The following ZNF429 variants were observed in gnomAD, a reference collection of about 807,000 sequenced individuals.
ZNF429 encodes zinc finger protein 429.
A neutral mutation model predicts 56.8 loss-of-function variants in ZNF429; 53 were observed. The observed-to-expected ratio is 0.93, with a 90% CI of 0.75 to 1.17. The LOEUF (loss-of-function observed/expected upper bound fraction) is 1.17, where lower values mean the gene tolerates loss of function less well. Among genes scored for constraint, ZNF429 ranks in the 50% most tolerant of loss-of-function variants. The pLI is 0.00. For missense variants in ZNF429, 849 were observed against 788.4 expected, an observed-to-expected ratio of 1.08 and a Z score of -0.92; for synonymous variants, 278 against 264.7, an observed-to-expected ratio of 1.05 and a Z score of -0.49.
intron 3 of ZNF429, among the ~76,000 whole-genome samples, chr19:21,531,105 T>TC: frequency 7.9e-5 from 1 of 12,580 alleles, no homozygotes; most frequent in Non-Finnish European, 1.4e-4. Flanking sequence ...AAACTCCATC[T>TC]CAAAAAAAAA....
chr19:21,516,233 TATC>T (rs952681015), intron 1 of ZNF429, among the ~76,000 whole-genome samples: 1 of 151,760 alleles, frequency 6.6e-6, no homozygotes, highest in African/African-American at 2.4e-5. Flanking sequence ...TATGCTCTGC[TATC>T]ATCATCATTA....
At chr19:21,527,256 A>C (rs1184803119) in intron 1 of ZNF429, among the ~76,000 whole-genome samples, 1 of 152,168 alleles carries the variant, frequency 6.6e-6, no homozygotes, top group Non-Finnish European at 1.5e-5. Flanking sequence ...GAATGGGGTC[A>C]AAATTACCAA....
intron 3 of ZNF429, among the ~76,000 whole-genome samples, chr19:21,534,583 C>G: frequency 6.6e-6 from 1 of 152,038 alleles, no homozygotes; most frequent in East Asian, 1.9e-4. Flanking sequence ...TTGCCCAGGC[C>G]TGGTCTCAAA....
In ZNF429 at chr19:21,539,606, T is replaced by A. The variant is rs2033851282; in HGVS notation, c.*1528T>A. ...CTGGCTATTTTTTTTTTTTTTTGTA[T>A]TTTTAGTAGAGATGAGATTTCACCA... is the stretch of plus-strand genomic sequence containing the variant. On this transcript the variant is annotated 3_prime_UTR_variant, in exon 4 of 4. Coordinates refer to ENST00000358491, the MANE Select transcript of ZNF429 (RefSeq NM_001001415.4). 6.6e-6 allele frequency among the ~76,000 whole-genome samples: 1 copy of A among 150,680 alleles called. No homozygotes were observed. Among genetic ancestry groups the A allele is most frequent in the Non-Finnish European group, 1.5e-5 (1 of 67,776 alleles).
chr19:21,523,550 T>G (rs959559348), intron 1 of ZNF429, among the ~76,000 whole-genome samples: 1 of 152,208 alleles, frequency 6.6e-6, no homozygotes, highest in Non-Finnish European at 1.5e-5. Flanking sequence ...TAGCCCATAC[T>G]CTAAACCCTA....
chr19:21,531,575 A>C, intron 3 of ZNF429, among the ~76,000 whole-genome samples: 10 of 152,110 alleles, frequency 6.6e-5, no homozygotes, highest in Non-Finnish European at 1.5e-4. Context: ...AGGCCAAGGC[A>C]GCTGGATCAC....
At chr19:21,520,002 C>T (rs1169220853) in intron 1 of ZNF429, among the ~76,000 whole-genome samples, 1 of 151,830 alleles carries the variant, frequency 6.6e-6, no homozygotes. Context: ...ATTACAGGCA[C>T]CTGCCACCAT....
Position 21,538,102 on chromosome 19 carries a change from A to G in ZNF429, c.*24A>G. The G allele has an allele frequency of 6.2e-6, 5 of 804,116 alleles. No individual in the cohort carries two copies. The highest frequency in any genetic ancestry group is 8.8e-6 in the Non-Finnish European group (5 of 570,616). 49.8% of individuals were successfully genotyped at this position (804,116 alleles called of 1,614,324 possible). On this transcript the variant is annotated 3_prime_UTR_variant, in exon 4 of 4. Coordinates refer to ENST00000358491, the MANE Select transcript of ZNF429 (RefSeq NM_001001415.4). ...AACATGGTGAAACCCCGTCTCTACT[A>G]AAAATACAAAAAAAAAAAAAAAAAA... is the stretch of plus-strand genomic sequence containing the variant.
intron 3 of ZNF429, among the ~76,000 whole-genome samples, chr19:21,534,066 G>C: frequency 1.3e-5 from 2 of 152,068 alleles, no homozygotes; most frequent in East Asian, 1.9e-4. Flanking sequence ...AAATCAAAAA[G>C]TATAATGCCT....
intron 1 of ZNF429, among the ~76,000 whole-genome samples, chr19:21,522,340 G>A (rs779747346): frequency 4.7e-4 from 71 of 152,148 alleles, no homozygotes; most frequent in Non-Finnish European, 8.7e-4. Flanking sequence ...TCCACTTGTG[G>A]ACTAATTATA....
Position 21,537,781 on chromosome 19 carries a change from C to T in ZNF429, c.1728C>T (p.His576=). The change falls in exon 4 of 4, where the codon CAC becomes CAT. Residue 576 remains histidine, a synonymous_variant. Coordinates refer to ENST00000358491, the MANE Select transcript of ZNF429 (RefSeq NM_001001415.4). ...KCKQCDKAFT[H]SSNLSSHKKI... is the part of the protein sequence containing the mutation. ...AACAATGTGACAAAGCTTTTACCCA[C>T]TCCTCAAACCTTAGTAGTCATAAGA... 1 of 1,605,836 alleles carries T rather than the reference C, an allele frequency of 6.2e-7. No homozygotes were observed. The highest frequency in any genetic ancestry group is 8.5e-7 in the Non-Finnish European group (1 of 1,178,106).
chr19:21,534,496 C>G lies in ZNF429; in HGVS notation c.227-1784C>G. On this transcript the variant is annotated intron_variant, in intron 3 of 3. Transcript: ENST00000358491. ...GCTCAAGTGATCCTTCCATCTCAGT[C>G]TCCTGACTACAGACATGCACTACCA... Among the ~76,000 whole-genome samples the G allele has an allele frequency of 2.0e-5, 2 of 100,916 alleles. 1 individual carries two copies. Among genetic ancestry groups the G allele is most frequent in the Admixed American group, 1.9e-4 (2 of 10,388 alleles). 66.2% of individuals were successfully genotyped at this position (100,916 alleles called of 152,430 possible).
intron 1 of ZNF429, among the ~76,000 whole-genome samples, chr19:21,511,957 A>G (rs1489246241): frequency 6.6e-6 from 1 of 152,118 alleles, no homozygotes; most frequent in Non-Finnish European, 1.5e-5. Context: ...CGCGCCTGGA[A>G]TCGCAGGCAC....
In ZNF429 at chr19:21,537,784, C is replaced by G; in HGVS notation, c.1731C>G (p.Ser577=). Residue 577 remains serine (S), a synonymous_variant, in exon 4 of 4, where the codon TCC becomes TCG. Transcript: ENST00000358491. ...CKQCDKAFTH[S]SNLSSHKKIH... ...AATGTGACAAAGCTTTTACCCACTC[C>G]TCAAACCTTAGTAGTCATAAGAAAA... 1 of 1,612,272 alleles carries G rather than the reference C, an allele frequency of 6.2e-7. No individual in the cohort carries two copies. Among genetic ancestry groups the G allele is most frequent in the South Asian group, 1.1e-5 (1 of 91,012 alleles).
At chr19:21,529,619 C>CTA in intron 1 of ZNF429, 39 bp from the exon 2 acceptor site, 3 of 1,455,422 alleles carry the variant, frequency 2.1e-6, no homozygotes, top group South Asian at 1.5e-5. Context: ...ATATTTCTCT[C>CTA]TCTTTCTCTC....
At chr19:21,524,133 A>G (rs111391340) in intron 1 of ZNF429, among the ~76,000 whole-genome samples, 5 of 152,354 alleles carry the variant, frequency 3.3e-5, no homozygotes, top group African/African-American at 4.8e-5. Context: ...TCTGGTATAA[A>G]TAGAATCTAA....
intron 1 of ZNF429, among the ~76,000 whole-genome samples, chr19:21,509,165 C>T (rs1258879320): frequency 6.6e-6 from 1 of 152,006 alleles, no homozygotes; most frequent in Non-Finnish European, 1.5e-5. Context: ...CACACTGTCG[C>T]GCCAGCCTAT....
At chr19:21,511,512 A>G (rs1255229805) in intron 1 of ZNF429, among the ~76,000 whole-genome samples, 2 of 151,470 alleles carry the variant, frequency 1.3e-5, no homozygotes, top group Non-Finnish European at 2.9e-5. Context: ...CACTTCCTAG[A>G]TGGGATGGCA....
intron 1 of ZNF429, among the ~76,000 whole-genome samples, chr19:21,527,129 C>G (rs534305191): frequency 1.1e-3 from 174 of 152,162 alleles, no homozygotes; most frequent in Non-Finnish European, 1.8e-3. Context: ...TGTGCTGTGC[C>G]TGCTTTGTCT....
Sources: allele counts gnomAD v4.1 joint callset (sites outside exome capture counted in the v4.1 genomes callset), GRCh38; gene constraint gnomAD v4.1.1; transcripts MANE v1.5; gene names NCBI Gene and HGNC (gene_info 2026-07-23, HGNC 2026-07-21).